ZNF418: variants seen among roughly 807,000 people sequenced by gnomAD.
ZNF418 encodes the protein zinc finger protein 418.
In ZNF418, 32 loss-of-function variants were observed where a neutral mutation model predicts 32.0. That is an observed-to-expected ratio of 1.00 (90% CI 0.75 to 1.34). ZNF418 has a LOEUF of 1.34. Among genes scored for constraint, ZNF418 ranks in the 40% most tolerant of loss-of-function variants. ZNF418 has a pLI of 0.00. For synonymous variants in ZNF418, 276 were observed against 270.7 expected, an observed-to-expected ratio of 1.02 and a Z score of -0.19; for missense variants, 804 against 812.5, an observed-to-expected ratio of 0.99 and a Z score of 0.13.
Position 57,926,503 on chromosome 19 carries a change from G to C in ZNF418, c.1678C>G (p.His560Asp). The change falls in exon 4 of 6, where the codon CAC (histidine) becomes GAC (aspartate). Residue 560 changes from histidine to aspartate, a missense_variant. Physicochemically the swap from His to Asp is moderately conservative, Grantham distance 81. This residue lies in a region of ZNF418 where 475 missense variants were observed against 458.6 expected (regional missense o/e 1.04). Coordinates refer to ENST00000396147, the MANE Select transcript of ZNF418 (RefSeq NM_133460.3). ...SSSLLRHQKT[H>D]TAERPYECRE... ...CACTCATAAGGTCTTTCTGCAGTGT[G>C]AGTTTTCTGATGTCGAAGGAGGGAA... 1 of 1,613,852 alleles carries C rather than the reference G, an allele frequency of 6.2e-7. No homozygotes were observed. The highest frequency in any genetic ancestry group is 8.5e-7 in the Non-Finnish European group (1 of 1,180,002).
chr19:57,926,332 TTCC>T lies in ZNF418; in HGVS notation c.1846_1848del (p.Gly616del). ...CCACATTCGCTGCACTCGTAAGGCT[TTCC>T]TCGAGTATGAAGTCTCTGATGTTTA... On this transcript the variant is annotated inframe_deletion, in exon 4 of 6. Coordinates refer to ENST00000396147, the MANE Select transcript of ZNF418 (RefSeq NM_133460.3). 1 of 1,611,682 alleles carries T rather than the reference TTCC, an allele frequency of 6.2e-7. No individual in the cohort carries two copies. Among genetic ancestry groups the T allele is most frequent in the Non-Finnish European group, 8.5e-7 (1 of 1,178,716 alleles).
intron 2 of ZNF418, chr19:57,932,669 G>A: frequency 7.2e-7 from 1 of 1,391,346 alleles, no homozygotes; most frequent in African/African-American, 1.5e-5. Context: ...GAAAACAAAA[G>A]AAAAAAATAA....
chr19:57,926,573 C>A lies in ZNF418; in HGVS notation c.1608G>T (p.Arg536Ser). The change falls in exon 4 of 6, where the codon AGG (arginine) becomes AGT (serine). Residue 536 changes from arginine (R) to serine (S), a missense_variant. Coordinates refer to ENST00000396147, the MANE Select transcript of ZNF418 (RefSeq NM_133460.3). ...TTCCACATTCTCCACATTCATAAGG[C>A]CTTTCTCCAGTATGAACTCTCCGAT... ...LRHRRVHTGE[R>S]PYECGECGKS... The A allele has an allele frequency of 6.2e-7, 1 of 1,613,710 alleles. No individual in the cohort carries two copies. The highest frequency in any genetic ancestry group is 8.5e-7 in the Non-Finnish European group (1 of 1,179,946).
intron 2 of ZNF418, among the ~76,000 whole-genome samples, chr19:57,933,406 A>G (rs965368670): frequency 6.7e-6 from 1 of 150,276 alleles, no homozygotes; most frequent in Non-Finnish European, 1.5e-5. Flanking sequence ...GTGAAACCCC[A>G]TCTCTACTAA....
At position 57,926,236 on chromosome 19, in the gene ZNF418, A is replaced by T; in HGVS notation, c.1945T>A (p.Cys649Ser). Residue 649 changes from cysteine to serine, a missense_variant, in exon 4 of 6, where the codon TGC becomes AGC. This residue lies in a region of ZNF418 where 475 missense variants were observed against 458.6 expected (regional missense o/e 1.04). Transcript: ENST00000396147. ...RVHTGERPYE[C>S]SECGKSFHRS... is the part of the protein sequence containing the mutation. The stretch of plus-strand genomic sequence containing the variant: ...TGAAATGATTTTCCACATTCACTGC[A>T]CTCATAAGGCCTTTCTCCAGTGTGT... 1.2e-6 allele frequency: 2 copies of T among 1,614,094 alleles called. No homozygotes were observed. Among genetic ancestry groups the T allele is most frequent in the Non-Finnish European group, 1.7e-6 (2 of 1,179,990 alleles).
Position 57,926,160 on chromosome 19 carries a change from G to A in ZNF418, c.2021C>T (p.Pro674Leu), listed in dbSNP as rs2122752261. Residue 674 changes from proline to leucine, a missense_variant, in exon 4 of 6, where the codon CCT becomes CTT. Transcript: ENST00000396147. Reference protein sequence around the residue: ...RHQRVHTERSPYK With the variant: ...RHQRVHTERSLYK ...TTCCCAAATTTCTTTTCACTTGTAA[G>A]GACTTCTTTCTGTGTGAACTCTCTG... The A allele has an allele frequency of 6.2e-7, 1 of 1,608,050 alleles. No individual in the cohort carries two copies. Among genetic ancestry groups the A allele is most frequent in the Non-Finnish European group, 8.5e-7 (1 of 1,176,494 alleles).
rs1484241521 is a variant in ZNF418, at chr19:57,933,873, T to C, written c.-51A>G. ...CTCCTTCCTCCTCCCTCAAACACAG[T>C]GTGTTCTCTTCTTTGCAGCCAGATG... On this transcript the variant is annotated 5_prime_UTR_variant, in exon 2 of 6. Transcript: ENST00000396147. 1 of 1,613,854 alleles carries C rather than the reference T, an allele frequency of 6.2e-7. No individual in the cohort carries two copies. The highest frequency in any genetic ancestry group is 1.3e-5 in the African/African-American group (1 of 74,912).
chr19:57,931,138 GA>G (rs1227180460), intron 2 of ZNF418, among the ~76,000 whole-genome samples: 1 of 152,084 alleles, frequency 6.6e-6, no homozygotes, highest in African/African-American at 2.4e-5. Flanking sequence ...TGGTATATCC[GA>G]GCTCACATAA....
In ZNF418 at chr19:57,927,598, G is replaced by A; in HGVS notation, c.583C>T (p.Pro195Ser). ...TAATGAGTATCTCCCCACTGAAAGG[G>A]AGACTCACACTCAGGTTTGCTGTTT... is the stretch of plus-strand genomic sequence containing the variant. ...KSNSKPECES[P>S]FQWGDTHYSC... The change falls in exon 4 of 6, where the codon CCC becomes TCC. Residue 195 changes from proline (P) to serine (S), a missense_variant. Physicochemically the swap from Pro to Ser is moderately conservative, Grantham distance 74 (BLOSUM62 -1). This residue lies in a region of ZNF418 where 307 missense variants were observed against 304.9 expected (regional missense o/e 1.01). Transcript: ENST00000396147. 6.2e-7 allele frequency: 1 copy of A among 1,614,146 alleles called. No homozygotes were observed. Among genetic ancestry groups the A allele is most frequent in the South Asian group, 1.1e-5 (1 of 91,074 alleles).
intron 3 of ZNF418, among the ~76,000 whole-genome samples, chr19:57,928,456 G>C (rs2072340847): frequency 6.6e-6 from 1 of 152,068 alleles, no homozygotes; most frequent in African/African-American, 2.4e-5. Context: ...TAGAGGTGGG[G>C]TTTCGCCTTG....
chr19:57,935,324 G>C lies in ZNF418; in HGVS notation c.-244C>G. 1.2e-6 allele frequency: 1 copy of C among 804,306 alleles called. No homozygotes were observed. Among genetic ancestry groups the C allele is most frequent in the South Asian group, 3.8e-5 (1 of 26,208 alleles). 49.8% of individuals were successfully genotyped at this position (804,306 alleles called of 1,614,324 possible). On this transcript the variant is annotated 5_prime_UTR_variant, in exon 1 of 6. Coordinates refer to ENST00000396147, the MANE Select transcript of ZNF418 (RefSeq NM_133460.3). ...ACCGCGGTTCGGACCCATAGCTCCA[G>C]CGCCTCTCACCTCACAAACCGCAGA...
At position 57,926,899 on chromosome 19, in the gene ZNF418, A is replaced by G. The variant is rs1437575945; in HGVS notation, c.1282T>C (p.Cys428Arg). The G allele has an allele frequency of 3.1e-6, 5 of 1,613,940 alleles. No individual in the cohort carries two copies. The highest frequency in any genetic ancestry group is 4.2e-6 in the Non-Finnish European group (5 of 1,179,976). The change falls in exon 4 of 6, where the codon TGT becomes CGT. Residue 428 changes from cysteine to arginine, a missense_variant. Cys to Arg is a radical substitution (Grantham distance 180, BLOSUM62 -3). Transcript: ENST00000396147. ...RGHTGERPYE[C>R]GECGKSFSRK... Reference sequence around the variant, plus strand: ...CTAAAAGATTTCCCACATTCTCCACACTCGTAAGGTCTTTCTCCAGTGTGA... The same window carrying G: ...CTAAAAGATTTCCCACATTCTCCACGCTCGTAAGGTCTTTCTCCAGTGTGA...
rs910960624 is a variant in ZNF418 at position 57,933,984 on chromosome 19, C to A, written c.-80-82G>T. ...ACCGAATTTTTACCTCTAAGCATTT[C>A]ATGACCTGGTACCAACTCTGTAGTT... is the stretch of plus-strand genomic sequence containing the variant. On this transcript the variant is annotated intron_variant, in intron 1 of 5. Transcript: ENST00000396147. 23 of 1,573,448 alleles carry A rather than the reference C, an allele frequency of 1.5e-5. No individual in the cohort carries two copies. In the African/African-American group the frequency reaches 2.6e-4, roughly 17 times the overall value.
chr19:57,926,622 G>C lies in ZNF418; in HGVS notation c.1559C>G (p.Pro520Arg). 6.2e-7 allele frequency: 1 copy of C among 1,613,846 alleles called. No individual in the cohort carries two copies. The highest frequency in any genetic ancestry group is 1.1e-5 in the South Asian group (1 of 91,074). The change falls in exon 4 of 6, where the codon CCT becomes CGT. Residue 520 changes from proline (P) to arginine (R), a missense_variant. By Grantham distance (103) the Pro-to-Arg change is moderately radical. This residue lies in a region of ZNF418 where 475 missense variants were observed against 458.6 expected (regional missense o/e 1.04). Coordinates refer to ENST00000396147, the MANE Select transcript of ZNF418 (RefSeq NM_133460.3). ...ATGTCGAAGGAGGGAACAGCTTTGA[G>C]GAAATGACTTCCCACATTCACTACA... The part of the protein sequence containing the change: ...FECSECGKSF[P>R]QSCSLLRHRR...
chr19:57,935,016 G>T, intron 1 of ZNF418, 145 bp downstream of exon 1: 1 of 1,421,648 alleles, frequency 7.0e-7, no homozygotes, highest in Non-Finnish European at 9.3e-7. Context: ...TCCCACAGGT[G>T]TCAGAAACAA....
rs2072574320 is a variant in ZNF418, at chr19:57,933,730, A to T, written c.6+87T>A. On this transcript the variant is annotated intron_variant, in intron 2 of 5. Transcript: ENST00000396147. Reference sequence around the variant, plus strand: ...AGCGAGACTCCCGCTCAAAAAAAAAAGGAAAATCTAGTTGCCATTTTACAA... The same window carrying T: ...AGCGAGACTCCCGCTCAAAAAAAAATGGAAAATCTAGTTGCCATTTTACAA... The T allele has an allele frequency of 3.2e-6, 5 of 1,550,888 alleles. No homozygotes were observed. In the South Asian group the frequency reaches 5.6e-5, roughly 17 times the overall value.
chr19:57,925,304 CA>C (rs1389067925), intron 4 of ZNF418, among the ~76,000 whole-genome samples: 2 of 151,698 alleles, frequency 1.3e-5, no homozygotes, highest in East Asian at 1.9e-4. Flanking sequence ...ACTAAAAATA[CA>C]AAAAAATTAG....
At chr19:57,928,084 T>G in intron 3 of ZNF418, 37 bp from the exon 4 acceptor site, 1 of 1,500,010 alleles carries the variant, frequency 6.7e-7, no homozygotes, top group Non-Finnish European at 8.9e-7. Flanking sequence ...TCAAGTTAAC[T>G]CTGGTGGGAA....
intron 2 of ZNF418, chr19:57,932,612 C>T: frequency 6.8e-7 from 1 of 1,478,608 alleles, no homozygotes; most frequent in African/African-American, 1.4e-5. Flanking sequence ...CACCTAGAGT[C>T]ATTTAAATCC....
Sources: allele counts gnomAD v4.1 joint callset (sites outside exome capture counted in the v4.1 genomes callset), GRCh38; gene constraint gnomAD v4.1.1; regional missense constraint gnomAD v4.1.1; transcripts MANE v1.5; gene names NCBI Gene and HGNC (gene_info 2026-07-23, HGNC 2026-07-21).